The following UGP2 variants were observed in gnomAD, a reference collection of about 807,000 sequenced individuals.
UGP2 encodes the protein UTP--glucose-1-phosphate uridylyltransferase.
UGP2 carries 40 observed loss-of-function variants against 49.0 expected under a neutral mutation model. The ratio of observed to expected loss-of-function variants is 0.82; its 90% CI spans 0.63 to 1.06. The LOEUF is 1.06. UGP2 is among the 50% of genes least tolerant of loss of function. The probability of loss-of-function intolerance (pLI) is 0.00; values close to 1 mark genes in which losing one functional copy is unlikely to be tolerated. For synonymous variants in UGP2, 225 were observed against 213.0 expected (o/e 1.06, Z -0.49); for missense variants, 460 against 603.5 (o/e 0.76, Z 2.49).
rs1173599963 is a variant in UGP2 at position 63,891,510 on chromosome 2, T to C, written c.*283T>C. 4.2e-6 allele frequency: 1 copy of C among 236,218 alleles called. No homozygotes were observed. Among genetic ancestry groups the C allele is most frequent in the Non-Finnish European group, 8.1e-6 (1 of 122,830 alleles). The allele number at this position is 236,218 out of a possible 1,614,324, so 14.6% of individuals were successfully genotyped here. ...GAAGAACTTTTAACAGAAGCCTCAATGATGATCACTTTGAATTGCTTGTGA... is the reference window on the plus strand; with the variant it reads ...GAAGAACTTTTAACAGAAGCCTCAACGATGATCACTTTGAATTGCTTGTGA... On this transcript the variant is annotated 3_prime_UTR_variant, in exon 10 of 10. Coordinates refer to ENST00000337130, the MANE Select transcript of UGP2 (RefSeq NM_006759.4).
intron 3 of UGP2, among the ~76,000 whole-genome samples, chr2:63,874,176 G>T (rs1445428801): frequency 6.6e-6 from 1 of 152,136 alleles, no homozygotes; most frequent in Non-Finnish European, 1.5e-5. Flanking sequence ...AAAGTGAAAG[G>T]GGAAAAAAAT....
At chr2:63,861,984 T>G (rs1344802240) in intron 3 of UGP2, among the ~76,000 whole-genome samples, 1 of 152,082 alleles carries the variant, frequency 6.6e-6, no homozygotes, top group Non-Finnish European at 1.5e-5. Flanking sequence ...TACAGATACA[T>G]AGCATTTTTT....
chr2:63,884,449 A>C (rs1386729890), intron 5 of UGP2, among the ~76,000 whole-genome samples: 3 of 152,200 alleles, frequency 2.0e-5, no homozygotes, highest in Non-Finnish European at 4.4e-5. Flanking sequence ...GAATTTCTTC[A>C]ACACCTTTTA....
At chr2:63,847,015 C>T (rs939537082) in intron 1 of UGP2, among the ~76,000 whole-genome samples, 5 of 152,128 alleles carry the variant, frequency 3.3e-5, no homozygotes, top group African/African-American at 1.2e-4. Context: ...TGTTTTCCAA[C>T]ATGGACCTTG....
intron 1 of UGP2, chr2:63,854,999 G>A (rs957406356): frequency 2.6e-5 from 4 of 153,488 alleles, no homozygotes; most frequent in Non-Finnish European, 5.8e-5. Flanking sequence ...GGTTCTGTGT[G>A]TTTTGACCTT....
At chr2:63,851,058 G>A (rs555679283) in intron 1 of UGP2, among the ~76,000 whole-genome samples, 1 of 152,274 alleles carries the variant, frequency 6.6e-6, no homozygotes, top group South Asian at 2.1e-4. Flanking sequence ...ATGTTATAAA[G>A]GAGAGGTACA....
At chr2:63,879,519 T>TA (rs1387100704) in intron 3 of UGP2, among the ~76,000 whole-genome samples, 1 of 152,238 alleles carries the variant, frequency 6.6e-6, no homozygotes, top group African/African-American at 2.4e-5. Flanking sequence ...AAGTTCCTGA[T>TA]ATTGTAATGA....
intron 3 of UGP2, among the ~76,000 whole-genome samples, chr2:63,876,163 C>T (rs1318498281): frequency 2.6e-5 from 4 of 152,076 alleles, no homozygotes; most frequent in Non-Finnish European, 4.4e-5. Context: ...AAACCAAGCT[C>T]TGTGGGACTG....
At chr2:63,854,034 C>T (rs895920175) in intron 1 of UGP2, among the ~76,000 whole-genome samples, 3 of 151,970 alleles carry the variant, frequency 2.0e-5, no homozygotes, top group Non-Finnish European at 4.4e-5. Flanking sequence ...GGGATTTTTG[C>T]GTCAAGGTTA....
intron 1 of UGP2, chr2:63,855,520 G>GTTTTTTTTTTTTTTTTTT (rs372160888): frequency 3.1e-4 from 61 of 194,300 alleles, no homozygotes; most frequent in South Asian, 9.0e-4. Context: ...TTCTTTTTCT[G>GTTTTTTTTTTTTTTTTTT]TTTTTTTTTT....
intron 1 of UGP2, chr2:63,854,940 A>G (rs1191291791): frequency 6.6e-6 from 1 of 152,446 alleles, no homozygotes; most frequent in East Asian, 1.9e-4. Context: ...ATTAAATGTG[A>G]GTCTTTCAGC....
At chr2:63,842,682 T>G in intron 1 of UGP2, 2 of 1,315,630 alleles carry the variant, frequency 1.5e-6, no homozygotes, top group South Asian at 3.8e-5. Flanking sequence ...GCGTCTCAGA[T>G]TCACTTATTG....
intron 5 of UGP2, among the ~76,000 whole-genome samples, chr2:63,884,542 A>AT (rs924561952): frequency 9.2e-5 from 14 of 152,278 alleles, no homozygotes; most frequent in Admixed American, 7.2e-4. Flanking sequence ...ATGAATTCTG[A>AT]TTGAAGGCCA....
intron 1 of UGP2, among the ~76,000 whole-genome samples, chr2:63,847,549 G>A (rs556093764): frequency 6.6e-6 from 1 of 152,284 alleles, no homozygotes; most frequent in East Asian, 1.9e-4. Context: ...GGTGGGCTGA[G>A]TCCGAAAAGA....
intron 1 of UGP2, chr2:63,854,923 A>G (rs1263405298): frequency 6.6e-6 from 1 of 152,372 alleles, no homozygotes; most frequent in African/African-American, 2.4e-5. Context: ...CAGAGAGCAC[A>G]TGCAATATTA....
rs186477480 is a variant in UGP2 at position 63,857,007 on chromosome 2, G to A, written c.147+574G>A. ...GAGAAGTAGAGAAAGATATTGGTAA[G>A]TAAGTGTAGCGGCCAGGCGCAGTGG... is the stretch of plus-strand genomic sequence containing the variant. On this transcript the variant is annotated intron_variant, in intron 2 of 9. Transcript: ENST00000337130. The A allele has an allele frequency of 3.6e-5, 13 of 364,196 alleles. No homozygotes were observed. In the East Asian group the frequency reaches 9.5e-4, roughly 27 times the overall value. 22.6% of individuals were successfully genotyped at this position (364,196 alleles called of 1,614,324 possible). A position where few individuals can be genotyped will look rare whatever the true frequency, so the allele number is the denominator to read the frequency against.
chr2:63,881,244 G>A (rs1395302056), intron 3 of UGP2, among the ~76,000 whole-genome samples: 1 of 152,070 alleles, frequency 6.6e-6, no homozygotes, highest in Non-Finnish European at 1.5e-5. Context: ...TATGATATAT[G>A]TATGTATGTT....
Position 63,886,407 on chromosome 2 carries a change from C to G in UGP2, c.940C>G (p.His314Asp). 1.9e-6 allele frequency: 3 copies of G among 1,614,178 alleles called. No homozygotes were observed. The highest frequency in any genetic ancestry group is 2.5e-6 in the Non-Finnish European group (3 of 1,180,036). Residue 314 changes from histidine to aspartate, a missense_variant, in exon 7 of 10, where the codon CAT becomes GAT. Physicochemically the swap from His to Asp is moderately conservative, Grantham distance 81. This residue lies in a region of UGP2 where 317 missense variants were observed against 473.0 expected (regional missense o/e 0.67). Coordinates refer to ENST00000337130, the MANE Select transcript of UGP2 (RefSeq NM_006759.4). ...GGAAATTGCTCAAGTGCCAAAAGCA[C>G]ATGTAGACGAGTTCAAGTCTGTATC... ...LVEIAQVPKA[H>D]VDEFKSVSKF...
At position 63,842,480 on chromosome 2, in the gene UGP2, T is replaced by C. The variant is rs1446551880; in HGVS notation, c.19+276T>C. 3.3e-6 allele frequency: 5 copies of C among 1,537,990 alleles called. No homozygotes were observed. In the African/African-American group the frequency reaches 4.1e-5, roughly 13 times the overall value. Reference sequence around the variant, plus strand: ...TTTCCTGGATAGTGGCTGTAAGTGATAAAACAGGATTTTTGGCTGCTAATT... The same window carrying C: ...TTTCCTGGATAGTGGCTGTAAGTGACAAAACAGGATTTTTGGCTGCTAATT... On this transcript the variant is annotated intron_variant, in intron 1 of 9. Coordinates refer to ENST00000337130, the MANE Select transcript of UGP2 (RefSeq NM_006759.4).
Sources: gnomAD v4.1 joint callset for allele counts (sites outside exome capture counted in the v4.1 genomes callset) on GRCh38, gnomAD v4.1.1 for gene constraint, gnomAD v4.1.1 regional missense constraint, MANE v1.5 for transcripts, NCBI Gene and HGNC (gene_info 2026-07-23, HGNC 2026-07-21) for gene names.